Variants in CLIP3 observed in about 807,000 individuals in gnomAD.
The protein encoded by CLIP3 is CAP-Gly domain-containing linker protein 3.
CLIP3 carries 15 observed loss-of-function variants against 59.4 expected under a neutral mutation model. The observed-to-expected ratio is 0.25, with a 90% confidence interval of 0.17 to 0.39. The LOEUF (loss-of-function observed/expected upper bound fraction) is 0.39, where lower values mean the gene tolerates loss of function less well. Among genes scored for constraint, CLIP3 ranks in the 10% least tolerant of loss-of-function variants. CLIP3 has a pLI of 1.00. For synonymous variants in CLIP3, 300 were observed against 321.6 expected (o/e 0.93, Z 0.72); for missense variants, 495 against 765.7 (o/e 0.65, Z 4.17).
At position 36,026,777 on chromosome 19, in the gene CLIP3, C is replaced by T. The variant is rs1470502148; in HGVS notation, c.401-30G>A. Reference sequence around the variant, plus strand: ...GCGATAGGCCGGGTCAGCTTGGAACCCCCATTCCAGAGCATGGGCCCAGTG... The same window carrying T: ...GCGATAGGCCGGGTCAGCTTGGAACTCCCATTCCAGAGCATGGGCCCAGTG... On this transcript the variant is annotated intron_variant, in intron 4 of 13. Coordinates refer to ENST00000360535, the MANE Select transcript of CLIP3 (RefSeq NM_015526.3). The surrounding 1 kb of genome is among the most constrained non-coding windows in gnomAD (Gnocchi z 6.3). 3 of 1,584,690 alleles carry T rather than the reference C, an allele frequency of 1.9e-6. No individual in the cohort carries two copies. The highest frequency in any genetic ancestry group is 2.6e-6 in the Non-Finnish European group (3 of 1,171,330).
chr19:36,018,987 T>A lies in CLIP3; in HGVS notation c.1094A>T (p.Asp365Val), dbSNP rs145062989. 9 of 1,601,584 alleles carry A rather than the reference T, an allele frequency of 5.6e-6. No individual in the cohort carries two copies. The African/African-American group carries it at 1.2e-4, about 21-fold the overall frequency. The change falls in exon 9 of 14, where the codon GAC becomes GTC. Residue 365 changes from aspartate to valine, a missense_variant. By Grantham distance (152) the Asp-to-Val change is radical. Transcript: ENST00000360535. ...ASVSKISKAV[D>V]APPSSVTSTP... Reference sequence around the variant, plus strand: ...GGAGGTGACAGAGGAGGGGGGTGCGTCCACTGCCTTGGAGATCTTGGACAC... The same window carrying A: ...GGAGGTGACAGAGGAGGGGGGTGCGACCACTGCCTTGGAGATCTTGGACAC...
In CLIP3 at chr19:36,031,008, C is replaced by T. The variant is rs200337723; in HGVS notation, c.166+1184G>A. ...TTTTTCTTTTTTCTTTTTTTCTTTT[C>T]TTTTTTTTTTTTTTCTTTTTTTTTT... On this transcript the variant is annotated intron_variant, in intron 2 of 13. Transcript: ENST00000360535. Among the ~76,000 whole-genome samples, 252 of 77,706 alleles carry T rather than the reference C, an allele frequency of 3.2e-3. 1 individual carries two copies. Among genetic ancestry groups the T allele is most frequent in the African/African-American group, 8.8e-3 (162 of 18,330 alleles). The allele number at this position is 77,706 out of a possible 152,430, so 51.0% of individuals were successfully genotyped here. A position where few individuals can be genotyped will look rare whatever the true frequency, so the allele number is the denominator to read the frequency against.
rs1195248778 is a variant in CLIP3, at chr19:36,016,942, G to A, written c.1554C>T (p.Thr518=). The part of the protein sequence containing the change: ...QPKRTFTTVR[T]PKDIASENSI... ...AGTTCTCTGATGCAATGTCCTTTGG[G>A]GTCCGGACTGTGGTGAAGGTGCGTT... Residue 518 remains threonine (T), a synonymous_variant, in exon 13 of 14, where the codon ACC becomes ACT. Coordinates refer to ENST00000360535, the MANE Select transcript of CLIP3 (RefSeq NM_015526.3). This position sits in a 1 kb window ranked among gnomAD's most constrained non-coding sequence, Gnocchi z 4.1. 4 of 1,614,022 alleles carry A rather than the reference G, an allele frequency of 2.5e-6. No homozygotes were observed. The highest frequency in any genetic ancestry group is 2.7e-5 in the African/African-American group (2 of 75,004).
chr19:36,022,709 G>A (rs1599697876), intron 7 of CLIP3, among the ~76,000 whole-genome samples: 1 of 151,932 alleles, frequency 6.6e-6, no homozygotes, highest in South Asian at 2.1e-4. Flanking sequence ...TCGCTTGAGG[G>A]CAGGAGTTTG....
Position 36,024,590 on chromosome 19 carries a change from T to C in CLIP3, c.724A>G (p.Met242Val), listed in dbSNP as rs1809188813. The C allele has an allele frequency of 6.2e-7, 1 of 1,614,176 alleles. No individual in the cohort carries two copies. Among genetic ancestry groups the C allele is most frequent in the South Asian group, 1.1e-5 (1 of 91,088 alleles). ...QVPAEVVPDPMDMSLDKAEAA... is the reference protein window; with the variant it reads ...QVPAEVVPDPVDMSLDKAEAA... ...TCTGCCTTGTCCAGGGACATGTCCA[T>C]AGGATCTGGGACCACCTCCGCCGGC... The change falls in exon 7 of 14, where the codon ATG (methionine) becomes GTG (valine). Residue 242 changes from methionine to valine, a missense_variant. Physicochemically the swap from Met to Val is conservative, Grantham distance 21. Coordinates refer to ENST00000360535, the MANE Select transcript of CLIP3 (RefSeq NM_015526.3).
chr19:36,017,618 G>T (rs1568539196), intron 11 of CLIP3, 37 bp downstream of exon 11: 1 of 1,612,846 alleles, frequency 6.2e-7, no homozygotes, highest in East Asian at 2.2e-5. Flanking sequence ...AGGGCTCCAG[G>T]TGGTGCCCTG....
intron 2 of CLIP3, among the ~76,000 whole-genome samples, chr19:36,027,914 T>A (rs4806249): frequency 0.74 from 112,922 of 151,708 alleles, 42,289 homozygotes; most frequent in East Asian, 0.81. Flanking sequence ...TGCGCATTGG[T>A]GCTACTCAAG....
intron 9 of CLIP3, among the ~76,000 whole-genome samples, chr19:36,018,627 A>T (rs1968866770): frequency 6.6e-6 from 1 of 151,474 alleles, no homozygotes; most frequent in African/African-American, 2.4e-5. Context: ...AAAAGACAGG[A>T]TCTCCAAGGA....
intron 7 of CLIP3, among the ~76,000 whole-genome samples, chr19:36,019,998 G>A (rs937124590): frequency 1.3e-5 from 2 of 151,978 alleles, no homozygotes; most frequent in Non-Finnish European, 2.9e-5. Flanking sequence ...TTGAGGCCAG[G>A]AGTTTCAGAC....
chr19:36,027,094 C>T (rs780129655), intron 3 of CLIP3, 38 bp downstream of exon 3: 1 of 1,591,992 alleles, frequency 6.3e-7, no homozygotes, highest in African/African-American at 1.4e-5. Flanking sequence ...TGTGGGGAAC[C>T]GCATCCCCTC....
In CLIP3 at chr19:36,015,127, G is replaced by A. The variant is rs560512039; in HGVS notation, c.*1031C>T. The A allele has an allele frequency of 4.6e-5, 7 of 152,276 alleles. No individual in the cohort carries two copies. Among genetic ancestry groups the A allele is most frequent in the African/African-American group, 1.4e-4 (6 of 41,536 alleles). The allele number at this position is 152,276 out of a possible 1,614,324, so 9.4% of individuals were successfully genotyped here. Reference sequence around the variant, plus strand: ...CTGACTGCAGTCTCCTCCATACCAGGCACAAGGACCTCATGATTGGGTTTC... The same window carrying A: ...CTGACTGCAGTCTCCTCCATACCAGACACAAGGACCTCATGATTGGGTTTC... On this transcript the variant is annotated 3_prime_UTR_variant, in exon 14 of 14. Coordinates refer to ENST00000360535, the MANE Select transcript of CLIP3 (RefSeq NM_015526.3).
At chr19:36,022,626 T>C (rs1301368497) in intron 7 of CLIP3, among the ~76,000 whole-genome samples, 1 of 152,184 alleles carries the variant, frequency 6.6e-6, no homozygotes, top group Non-Finnish European at 1.5e-5. Context: ...CACAGCAGAA[T>C]GCTTTCTGGA....
At chr19:36,024,782 C>G in intron 6 of CLIP3, 150 bp from the exon 7 acceptor site, 2 of 720,568 alleles carry the variant, frequency 2.8e-6, no homozygotes, top group Non-Finnish European at 4.5e-6. Context: ...AGGGTCAGGG[C>G]AAGGCGGGGT....
At chr19:36,027,963 A>C (rs1051409204) in intron 2 of CLIP3, among the ~76,000 whole-genome samples, 6 of 152,078 alleles carry the variant, frequency 3.9e-5, no homozygotes, top group Admixed American at 3.9e-4. Context: ...CCAGGAGTTC[A>C]AGGCTGCAGT....
intron 9 of CLIP3, 37 bp downstream of exon 9, chr19:36,018,861 A>T (rs370164133): frequency 6.3e-7 from 1 of 1,598,804 alleles, no homozygotes; most frequent in Middle Eastern, 1.7e-4. Context: ...AACATCCCCA[A>T]ACTGGCTCTT....
At position 36,019,264 on chromosome 19, in the gene CLIP3, C is replaced by T; in HGVS notation, c.961G>A (p.Gly321Ser). The change falls in exon 8 of 14, where the codon GGC (glycine) becomes AGC (serine). Residue 321 changes from glycine to serine, a missense_variant. Transcript: ENST00000360535. ...RFCGTTEFASGQWVGVELDEP... is the reference protein window; with the variant it reads ...RFCGTTEFASSQWVGVELDEP... Reference sequence around the variant, plus strand: ...TCCAGCTCCACGCCCACCCACTGGCCGCTGGCAAACTCCGTGGTCCCACAG... The same window carrying T: ...TCCAGCTCCACGCCCACCCACTGGCTGCTGGCAAACTCCGTGGTCCCACAG... 1 of 1,613,770 alleles carries T rather than the reference C, an allele frequency of 6.2e-7. No individual in the cohort carries two copies. The highest frequency in any genetic ancestry group is 1.1e-5 in the South Asian group (1 of 91,088).
In CLIP3 at chr19:36,026,826, G is replaced by A. The variant is rs1969126564; in HGVS notation, c.401-79C>T. 3 of 1,549,298 alleles carry A rather than the reference G, an allele frequency of 1.9e-6. No homozygotes were observed. Among genetic ancestry groups the A allele is most frequent in the Non-Finnish European group, 1.7e-6 (2 of 1,151,138 alleles). On this transcript the variant is annotated intron_variant, in intron 4 of 13. Transcript: ENST00000360535. This position sits in a 1 kb window ranked among gnomAD's most constrained non-coding sequence, Gnocchi z 6.3. ...TGCACGGGGAGGACCCTGGGCTTCA[G>A]GGACTATACTTTGGGATCCGAAGCT... is the stretch of plus-strand genomic sequence containing the variant.
Position 36,019,266 on chromosome 19 carries a change from C to T in CLIP3, c.959G>A (p.Ser320Asn). ...CAGCTCCACGCCCACCCACTGGCCG[C>T]TGGCAAACTCCGTGGTCCCACAGAA... ...LRFCGTTEFA[S>N]GQWVGVELDE... is the part of the protein sequence containing the mutation. Residue 320 changes from serine (S) to asparagine (N), a missense_variant, in exon 8 of 14, where the codon AGC becomes AAC. By Grantham distance (46) the Ser-to-Asn change is conservative (BLOSUM62 1). This residue lies in a region of CLIP3 where 194 missense variants were observed against 327.8 expected (regional missense o/e 0.59). Transcript: ENST00000360535. 6.2e-7 allele frequency: 1 copy of T among 1,613,704 alleles called. No homozygotes were observed. Among genetic ancestry groups the T allele is most frequent in the Non-Finnish European group, 8.5e-7 (1 of 1,179,988 alleles).
At chr19:36,031,756 T>C (rs1428036267) in intron 2 of CLIP3, among the ~76,000 whole-genome samples, 1 of 152,246 alleles carries the variant, frequency 6.6e-6, no homozygotes, top group Non-Finnish European at 1.5e-5. Context: ...TGTAATTACA[T>C]ATTTATATTA....
Sources: allele counts gnomAD v4.1 joint callset (sites outside exome capture counted in the v4.1 genomes callset), GRCh38; gene constraint gnomAD v4.1.1; regional missense constraint gnomAD v4.1.1; non-coding constraint Gnocchi (gnomAD v3.1); transcripts MANE v1.5; gene names NCBI Gene and HGNC (gene_info 2026-07-23, HGNC 2026-07-21).